The following QKI variants were observed in gnomAD, a reference collection of about 807,000 sequenced individuals.
The protein encoded by QKI is QKI, KH domain containing RNA binding, also known as KH domain-containing RNA-binding protein QKI.
Under a neutral mutation model 39.0 loss-of-function variants are expected in QKI, and 10 were observed. The ratio of observed to expected loss-of-function variants is 0.26; its 90% CI spans 0.16 to 0.43. The LOEUF (loss-of-function observed/expected upper bound fraction) is 0.43, where lower values mean the gene tolerates loss of function less well. Among genes scored for constraint, QKI ranks in the 20% least tolerant of loss-of-function variants. The pLI is 1.00. For missense variants in QKI, 218 were observed against 428.0 expected (o/e 0.51, Z 4.33); for synonymous variants, 204 against 155.4 (o/e 1.31, Z -2.33).
At chr6:163,496,950 C>T (rs1778451601) in intron 3 of QKI, among the ~76,000 whole-genome samples, 1 of 152,132 alleles carries the variant, frequency 6.6e-6, no homozygotes, top group South Asian at 2.1e-4. Context: ...TACTACCACC[C>T]TCACTTAAGG....
At chr6:163,555,399 T>G (rs1240483642) in intron 4 of QKI, among the ~76,000 whole-genome samples, 1 of 151,662 alleles carries the variant, frequency 6.6e-6, no homozygotes, top group African/African-American at 2.4e-5. Flanking sequence ...GTGAGAGTTC[T>G]TAGAAAAGCC....
At chr6:163,557,151 G>T (rs918021896) in intron 4 of QKI, among the ~76,000 whole-genome samples, 2 of 152,186 alleles carry the variant, frequency 1.3e-5, no homozygotes, top group South Asian at 4.1e-4. Context: ...GAACTACAGC[G>T]ACATGCAGCA....
chr6:163,471,149 G>C (rs897675987), intron 2 of QKI, among the ~76,000 whole-genome samples: 4 of 152,104 alleles, frequency 2.6e-5, no homozygotes, highest in Non-Finnish European at 5.9e-5. Flanking sequence ...CTAGAAGAGA[G>C]AAAAGATCAC....
At chr6:163,555,621 A>G (rs545884551) in intron 4 of QKI, among the ~76,000 whole-genome samples, 79 of 1,596 alleles carry the variant, frequency 0.049, no homozygotes, top group African/African-American at 0.26. Flanking sequence ...GGAAAGTACC[A>G]GGTCTACTCG....
chr6:163,469,286 T>C (rs1489469675), intron 2 of QKI, among the ~76,000 whole-genome samples: 4 of 151,866 alleles, frequency 2.6e-5, no homozygotes, highest in Non-Finnish European at 4.4e-5. Context: ...GGTCACAGAG[T>C]GTAGGGCAGC....
At chr6:163,415,886 C>G (rs992520174) in intron 1 of QKI, 1 of 511,914 alleles carries the variant, frequency 2.0e-6, no homozygotes, top group Non-Finnish European at 3.9e-6. Context: ...CTGTTCAATA[C>G]TAAGTGGAAG....
At chr6:163,445,230 A>G (rs1275682245) in intron 1 of QKI, among the ~76,000 whole-genome samples, 1 of 151,990 alleles carries the variant, frequency 6.6e-6, no homozygotes, top group East Asian at 1.9e-4. Context: ...GGAAATGAGT[A>G]TTGATACAGT....
chr6:163,445,768 C>A (rs1336394473), intron 1 of QKI, among the ~76,000 whole-genome samples: 1 of 152,132 alleles, frequency 6.6e-6, no homozygotes, highest in Non-Finnish European at 1.5e-5. Context: ...GCGCCCGCCA[C>A]CACGCCCAGC....
At chr6:163,434,163 G>T (rs998568416) in intron 1 of QKI, among the ~76,000 whole-genome samples, 2 of 152,050 alleles carry the variant, frequency 1.3e-5, no homozygotes, top group Admixed American at 6.6e-5. Context: ...CCACACAATG[G>T]CATGGAGAGT....
intron 3 of QKI, among the ~76,000 whole-genome samples, chr6:163,531,496 AC>A (rs1780848485): frequency 1.3e-5 from 2 of 151,772 alleles, no homozygotes; most frequent in South Asian, 4.2e-4. Context: ...CCCCACCCTC[AC>A]CCCTGTTTTC....
intron 2 of QKI, among the ~76,000 whole-genome samples, chr6:163,460,429 C>T (rs560173773): frequency 6.6e-6 from 1 of 152,238 alleles, no homozygotes; most frequent in East Asian, 1.9e-4. Flanking sequence ...TAATGTTATT[C>T]ACAGTACACT....
chr6:163,499,114 A>G (rs1778588946), intron 3 of QKI, among the ~76,000 whole-genome samples: 1 of 152,144 alleles, frequency 6.6e-6, no homozygotes, highest in Non-Finnish European at 1.5e-5. Flanking sequence ...CAGTGCTCAA[A>G]ATGTGTCATT....
chr6:163,506,519 C>T (rs545618422), intron 3 of QKI, among the ~76,000 whole-genome samples: 2 of 152,240 alleles, frequency 1.3e-5, no homozygotes, highest in Admixed American at 6.5e-5. Context: ...TCCCAAGCAC[C>T]TGGTTTCTGG....
intron 2 of QKI, among the ~76,000 whole-genome samples, chr6:163,464,225 A>G (rs528147536): frequency 1.3e-5 from 2 of 151,190 alleles, no homozygotes; most frequent in East Asian, 1.9e-4. Flanking sequence ...AGAAGAAACT[A>G]TGTAGTGAAA....
intron 4 of QKI, among the ~76,000 whole-genome samples, chr6:163,545,933 G>A (rs1781840741): frequency 6.6e-6 from 1 of 150,434 alleles, no homozygotes; most frequent in Non-Finnish European, 1.5e-5. Context: ...CTCAGAATTT[G>A]CATATTTAGT....
intron 1 of QKI, among the ~76,000 whole-genome samples, chr6:163,429,432 A>G (rs1788663726): frequency 6.6e-6 from 1 of 152,218 alleles, no homozygotes; most frequent in African/African-American, 2.4e-5. Flanking sequence ...TTTCCTTGCC[A>G]TTTCATATTC....
At chr6:163,531,071 C>T (rs1438750168) in intron 3 of QKI, among the ~76,000 whole-genome samples, 1 of 152,066 alleles carries the variant, frequency 6.6e-6, no homozygotes, top group Non-Finnish European at 1.5e-5. Context: ...CTCAGTTTGT[C>T]TTCCAACCTT....
At chr6:163,457,068 G>A (rs1372675876) in intron 2 of QKI, among the ~76,000 whole-genome samples, 1 of 152,132 alleles carries the variant, frequency 6.6e-6, no homozygotes, top group African/African-American at 2.4e-5. Flanking sequence ...TTGGGCAGCT[G>A]TTCCAATTGG....
intron 4 of QKI, among the ~76,000 whole-genome samples, chr6:163,558,519 C>T (rs1214058656): frequency 1.3e-5 from 2 of 151,852 alleles, no homozygotes; most frequent in Non-Finnish European, 1.5e-5. Flanking sequence ...CTTTCCTCAG[C>T]CTCCTAAGTA....
Sources: allele counts gnomAD v4.1 joint callset (sites outside exome capture counted in the v4.1 genomes callset), GRCh38; gene constraint gnomAD v4.1.1; transcripts MANE v1.5; gene names NCBI Gene and HGNC (gene_info 2026-07-23, HGNC 2026-07-21).